TMTC2: variants seen among roughly 807,000 people sequenced by gnomAD.
TMTC2 encodes the protein transmembrane O-mannosyltransferase targeting cadherins 2, also known as protein O-mannosyl-transferase TMTC2.
In TMTC2, 43 loss-of-function variants were observed where a neutral mutation model predicts 82.4. The ratio of observed to expected loss-of-function variants is 0.52; its 90% CI spans 0.41 to 0.67. TMTC2 has a LOEUF of 0.67. TMTC2 is among the 30% of genes least tolerant of loss of function. The pLI, the probability that TMTC2 is intolerant of heterozygous loss-of-function variation, is 0.00. For synonymous variants in TMTC2, 408 were observed against 381.9 expected (o/e 1.07, Z -0.80); for missense variants, 919 against 1,012.4 (o/e 0.91, Z 1.25).
At chr12:82,850,964 T>G (rs1870943987) in intron 1 of TMTC2, among the ~76,000 whole-genome samples, 1 of 151,856 alleles carries the variant, frequency 6.6e-6, no homozygotes, top group Admixed American at 6.6e-5. Flanking sequence ...CTCAGGAGGT[T>G]GAGGCAGGAG....
chr12:83,072,750 A>G (rs1883160354), intron 11 of TMTC2, among the ~76,000 whole-genome samples: 3 of 152,144 alleles, frequency 2.0e-5, no homozygotes, highest in Admixed American at 1.3e-4. Context: ...CCATTATATA[A>G]TGTCCCTCTT....
intron 4 of TMTC2, among the ~76,000 whole-genome samples, chr12:82,940,610 T>C (rs918927702): frequency 2.7e-5 from 4 of 149,730 alleles, no homozygotes; most frequent in Non-Finnish European, 4.5e-5. Context: ...ATGTTTTGCT[T>C]TTTTTTTTTC....
chr12:83,038,322 G>T (rs1197690558), intron 9 of TMTC2, among the ~76,000 whole-genome samples: 3 of 151,826 alleles, frequency 2.0e-5, no homozygotes, highest in African/African-American at 7.3e-5. Flanking sequence ...AAAAAGTTAG[G>T]TAAACATACA....
intron 2 of TMTC2, among the ~76,000 whole-genome samples, chr12:82,877,844 A>T (rs1217954123): frequency 6.6e-6 from 1 of 152,212 alleles, no homozygotes; most frequent in Non-Finnish European, 1.5e-5. Flanking sequence ...AGAAGAAAAA[A>T]CAAAATCAAA....
At chr12:83,050,827 T>C in intron 9 of TMTC2, 77 bp from the exon 10 acceptor site, 1 of 908,418 alleles carries the variant, frequency 1.1e-6, no homozygotes, top group Non-Finnish European at 1.7e-6. Flanking sequence ...ACCACTGTAC[T>C]TATTTTTCTT....
intron 3 of TMTC2, among the ~76,000 whole-genome samples, chr12:82,922,968 C>G (rs1875481915): frequency 6.6e-6 from 1 of 152,176 alleles, no homozygotes; most frequent in South Asian, 2.1e-4. Flanking sequence ...TAAACATTCT[C>G]TTACGTGCTT....
At chr12:82,873,377 C>T (rs1377537808) in intron 2 of TMTC2, among the ~76,000 whole-genome samples, 1 of 151,936 alleles carries the variant, frequency 6.6e-6, no homozygotes, top group Non-Finnish European at 1.5e-5. Flanking sequence ...GCTTAGCTGT[C>T]TATTCTACTG....
intron 7 of TMTC2, among the ~76,000 whole-genome samples, chr12:82,982,439 CTTT>C (rs11389314): frequency 6.9e-6 from 1 of 144,118 alleles, no homozygotes; most frequent in Non-Finnish European, 1.5e-5. Flanking sequence ...TATCCATAAT[CTTT>C]TTTTTTTTTT....
chr12:83,107,932 G>C (rs993736795), intron 11 of TMTC2, among the ~76,000 whole-genome samples: 1 of 151,458 alleles, frequency 6.6e-6, no homozygotes, highest in Non-Finnish European at 1.5e-5. Context: ...ACTGAATCAA[G>C]GGGATGGATT....
At chr12:83,094,749 T>C (rs902070616) in intron 11 of TMTC2, among the ~76,000 whole-genome samples, 1 of 152,018 alleles carries the variant, frequency 6.6e-6, no homozygotes, top group Non-Finnish European at 1.5e-5. Flanking sequence ...GACAAGGAAG[T>C]GAGGAAGAGA....
intron 1 of TMTC2, among the ~76,000 whole-genome samples, chr12:82,833,204 T>C (rs74645897): frequency 0.011 from 1,622 of 152,312 alleles, 34 homozygotes; most frequent in African/African-American, 0.037. Flanking sequence ...GGTAGCAAGA[T>C]GGAAAATATT....
intron 8 of TMTC2, among the ~76,000 whole-genome samples, chr12:83,030,181 C>G (rs1010711370): frequency 1.3e-5 from 2 of 152,130 alleles, no homozygotes; most frequent in African/African-American, 4.8e-5. Flanking sequence ...TTCGTTTAGC[C>G]TTGGCCTTAA....
In TMTC2 at chr12:82,880,007, C is replaced by T. The variant is rs188443797; in HGVS notation, c.655-15811C>T. Among the ~76,000 whole-genome samples the T allele has an allele frequency of 3.9e-5, 6 of 152,282 alleles. No individual in the cohort carries two copies. The South Asian group carries it at 1.2e-3, about 32-fold the overall frequency. On this transcript the variant is annotated intron_variant, in intron 2 of 11. Transcript: ENST00000321196. Reference sequence around the variant, plus strand: ...TAGGCAATTATACACAGCCTTCTTTCCTCATAATATCTGGTCTCTCACAGA... The same window carrying T: ...TAGGCAATTATACACAGCCTTCTTTTCTCATAATATCTGGTCTCTCACAGA...
intron 8 of TMTC2, among the ~76,000 whole-genome samples, chr12:83,027,408 A>C (rs1881226788): frequency 6.6e-6 from 1 of 152,172 alleles, no homozygotes; most frequent in African/African-American, 2.4e-5. Context: ...CACTTAACGT[A>C]GTTGATAGAT....
intron 1 of TMTC2, among the ~76,000 whole-genome samples, chr12:82,768,051 G>T (rs1033631323): frequency 9.5e-5 from 13 of 137,344 alleles, no homozygotes; most frequent in African/African-American, 3.9e-4. Context: ...CTATCAAGAG[G>T]TCTGCTCAGA....
chr12:82,762,687 T>C (rs1399784323), intron 1 of TMTC2, among the ~76,000 whole-genome samples: 1 of 152,118 alleles, frequency 6.6e-6, no homozygotes, highest in Non-Finnish European at 1.5e-5. Flanking sequence ...GGAAACATAA[T>C]ATGCCAAATA....
At chr12:82,882,312 ATAAC>A (rs368059426) in intron 2 of TMTC2, among the ~76,000 whole-genome samples, 209 of 152,262 alleles carry the variant, frequency 1.4e-3, no homozygotes, top group Non-Finnish European at 1.7e-3. Context: ...ATGTTTTTAA[ATAAC>A]TAGCCTTCGG....
chr12:82,804,559 AT>A (rs982284784), intron 1 of TMTC2, among the ~76,000 whole-genome samples: 2 of 152,056 alleles, frequency 1.3e-5, no homozygotes, highest in African/African-American at 2.4e-5. Flanking sequence ...TTAGCTAAAT[AT>A]TTTTTTTAAT....
At chr12:82,864,282 A>C (rs1332488943) in intron 2 of TMTC2, among the ~76,000 whole-genome samples, 1 of 151,910 alleles carries the variant, frequency 6.6e-6, no homozygotes, top group African/African-American at 2.4e-5. Context: ...ATGGTTTCAA[A>C]ATGTGCTCCT....
Sources: allele counts gnomAD v4.1 joint callset (sites outside exome capture counted in the v4.1 genomes callset), GRCh38; gene constraint gnomAD v4.1.1; transcripts MANE v1.5; gene names NCBI Gene and HGNC (gene_info 2026-07-23, HGNC 2026-07-21).